Variants in EVC observed in about 807,000 individuals in gnomAD.
EVC encodes evC complex member EVC.
In EVC, 116 loss-of-function variants were observed where a neutral mutation model predicts 118.9. The observed-to-expected ratio is 0.98, with a 90% confidence interval of 0.84 to 1.14. The LOEUF (loss-of-function observed/expected upper bound fraction) is 1.14, where lower values mean the gene tolerates loss of function less well. Among genes scored for constraint, EVC ranks in the 50% most tolerant of loss-of-function variants. The pLI is 0.00. For missense variants in EVC, 1,401 were observed against 1,246.4 expected (o/e 1.12, Z -1.87); for synonymous variants, 619 against 534.7 (o/e 1.16, Z -2.18).
chr4:5,786,788 C>T (rs991662202), intron 12 of EVC, among the ~76,000 whole-genome samples: 3 of 150,270 alleles, frequency 2.0e-5, no homozygotes, highest in Admixed American at 6.7e-5. Context: ...AGGAGAATGG[C>T]GTGAACCCGG....
At chr4:5,805,163 C>G (rs1195579274) in intron 17 of EVC, among the ~76,000 whole-genome samples, 1 of 152,176 alleles carries the variant, frequency 6.6e-6, no homozygotes, top group African/African-American at 2.4e-5. Flanking sequence ...TTCTCAGAAG[C>G]AGACCTTGAC....
At chr4:5,787,261 T>C (rs1353655669) in intron 12 of EVC, among the ~76,000 whole-genome samples, 1 of 152,226 alleles carries the variant, frequency 6.6e-6, no homozygotes, top group Admixed American at 6.5e-5. Context: ...GAGGCCCACA[T>C]CCTAATCCCT....
At chr4:5,750,615 A>G (rs923483871) in intron 8 of EVC, among the ~76,000 whole-genome samples, 5 of 152,286 alleles carry the variant, frequency 3.3e-5, no homozygotes, top group Admixed American at 2.0e-4. Flanking sequence ...TTTCTGTGAA[A>G]TGGGGGCTAT....
intron 1 of EVC, among the ~76,000 whole-genome samples, chr4:5,712,724 A>G (rs1337707864): frequency 6.6e-5 from 10 of 152,166 alleles, no homozygotes; most frequent in Admixed American, 6.5e-4. Context: ...TGAGGGCTGA[A>G]ACTGAGATAA....
chr4:5,827,618 G>GCGCACACACACACACTCCAACACA, the EVC span, among the ~76,000 whole-genome samples: 2 of 151,534 alleles, frequency 1.3e-5, no homozygotes, highest in Non-Finnish European at 2.9e-5. Context: ...ATACACACAC[G>GCGCACACACACACACTCCAACACA]CGCACACACA....
chr4:5,723,150 C>T (rs925516422), intron 2 of EVC, among the ~76,000 whole-genome samples: 5 of 151,934 alleles, frequency 3.3e-5, no homozygotes, highest in African/African-American at 1.2e-4. Flanking sequence ...GGTGCTGCGC[C>T]TACAGGTCTT....
intron 12 of EVC, among the ~76,000 whole-genome samples, chr4:5,790,991 A>T (rs563465584): frequency 1.3e-5 from 2 of 152,210 alleles, no homozygotes; most frequent in East Asian, 3.9e-4. Context: ...GCTACTCCAG[A>T]GGCTGAGGCA....
chr4:5,781,617 A>G (rs990109225), intron 11 of EVC, among the ~76,000 whole-genome samples: 4 of 152,138 alleles, frequency 2.6e-5, no homozygotes, highest in Non-Finnish European at 1.5e-5. Flanking sequence ...CAGGCAGATC[A>G]TTTGAGCTCA....
intron 20 of EVC, among the ~76,000 whole-genome samples, 164 bp downstream of exon 20, chr4:5,810,614 CATG>C (rs1457463664): frequency 6.6e-6 from 1 of 152,160 alleles, no homozygotes; most frequent in Non-Finnish European, 1.5e-5. Flanking sequence ...GGCAGTAAGC[CATG>C]ATGATACCAG....
chr4:5,759,352 C>A (rs1453435506), intron 11 of EVC, among the ~76,000 whole-genome samples: 1 of 152,178 alleles, frequency 6.6e-6, no homozygotes, highest in Non-Finnish European at 1.5e-5. Context: ...AGGACATGGT[C>A]ACTTCCTTGA....
intron 8 of EVC, chr4:5,752,559 G>C: frequency 1.8e-6 from 1 of 546,282 alleles, no homozygotes. Flanking sequence ...TCCCTCCTAG[G>C]AGGGTGGCCC....
rs772285022 is a variant in EVC at position 5,731,672 on chromosome 4, C to A, written c.617+15C>A. 7 of 1,608,708 alleles carry A rather than the reference C, an allele frequency of 4.4e-6. No homozygotes were observed. The highest frequency in any genetic ancestry group is 4.0e-5 in the African/African-American group (3 of 74,740). On this transcript the variant is annotated intron_variant, in intron 4 of 20. Coordinates refer to ENST00000264956, the MANE Select transcript of EVC (RefSeq NM_153717.3). The surrounding 1 kb of genome is among the most constrained non-coding windows in gnomAD (Gnocchi z 5.6). Reference sequence around the variant, plus strand: ...GCCTGCGAGAGGTAAGGAGAGCGGGCAATGGAGGATGAGGCTTCCAGTCCT... The same window carrying A: ...GCCTGCGAGAGGTAAGGAGAGCGGGAAATGGAGGATGAGGCTTCCAGTCCT...
chr4:5,758,751 C>T (rs576897506), intron 11 of EVC, among the ~76,000 whole-genome samples: 3 of 152,308 alleles, frequency 2.0e-5, no homozygotes, highest in Admixed American at 6.5e-5. Context: ...TAAAGGCTTT[C>T]TAATGTTAGT....
At chr4:5,792,479 G>A (rs573922360) in intron 12 of EVC, among the ~76,000 whole-genome samples, 5 of 152,244 alleles carry the variant, frequency 3.3e-5, no homozygotes, top group Admixed American at 1.3e-4. Context: ...AAATTGGACA[G>A]ACTTGAAAGA....
At chr4:5,785,171 G>C (rs1234405121) in intron 12 of EVC, among the ~76,000 whole-genome samples, 2 of 152,172 alleles carry the variant, frequency 1.3e-5, no homozygotes, top group Admixed American at 1.3e-4. Flanking sequence ...CTTCTTCAGT[G>C]TCCCATTCTT....
chr4:5,818,225 A>G (rs1274171972), downstream of EVC, among the ~76,000 whole-genome samples: 1 of 152,152 alleles, frequency 6.6e-6, no homozygotes, highest in East Asian at 1.9e-4. Flanking sequence ...GCCTTCTGCC[A>G]TGATTGTGAA....
intron 5 of EVC, among the ~76,000 whole-genome samples, chr4:5,740,386 G>A (rs1371267935): frequency 1.3e-5 from 2 of 150,534 alleles, no homozygotes; most frequent in African/African-American, 2.5e-5. Context: ...TGGGAGAATC[G>A]CTTGAACCCG....
chr4:5,746,625 G>C lies in EVC; in HGVS notation c.939+1284G>C, dbSNP rs766952970. Among the ~76,000 whole-genome samples, 1 of 152,160 alleles carries C rather than the reference G, an allele frequency of 6.6e-6. No individual in the cohort carries two copies. The highest frequency in any genetic ancestry group is 1.5e-5 in the Non-Finnish European group (1 of 68,032). On this transcript the variant is annotated intron_variant, in intron 7 of 20. Transcript: ENST00000264956. This position sits in a 1 kb window ranked among gnomAD's most constrained non-coding sequence, Gnocchi z 5.8. The stretch of plus-strand genomic sequence containing the variant: ...AGGAAGAGGGCCAGCCTGGATTCCG[G>C]TGGTCCACAGAACCCCCAACGCTGT...
chr4:5,728,005 G>A (rs1389556034), intron 2 of EVC, among the ~76,000 whole-genome samples: 82 of 151,320 alleles, frequency 5.4e-4, no homozygotes, highest in African/African-American at 1.8e-3. Flanking sequence ...GTCAGGTAGT[G>A]TGATGCCTCC....
Sources: allele counts gnomAD v4.1 joint callset (sites outside exome capture counted in the v4.1 genomes callset), GRCh38; gene constraint gnomAD v4.1.1; non-coding constraint Gnocchi (gnomAD v3.1); transcripts MANE v1.5; gene names NCBI Gene and HGNC (gene_info 2026-07-23, HGNC 2026-07-21).